RCOR3: variants seen among roughly 807,000 people sequenced by gnomAD.
The protein encoded by RCOR3 is REST corepressor 3.
In RCOR3, 13 loss-of-function variants were observed where a neutral mutation model predicts 64.1. The observed-to-expected ratio is 0.20, with a 90% CI of 0.13 to 0.32. The LOEUF (loss-of-function observed/expected upper bound fraction) is 0.32. Among genes scored for constraint, RCOR3 ranks in the 10% least tolerant of loss-of-function variants. The pLI, the probability that RCOR3 is intolerant of heterozygous loss-of-function variation, is 1.00. For synonymous variants in RCOR3, 215 were observed against 239.0 expected (o/e 0.90, Z 0.93); for missense variants, 489 against 701.2 (o/e 0.70, Z 3.42).
intron 2 of RCOR3, among the ~76,000 whole-genome samples, chr1:211,262,624 G>A (rs1299279293): frequency 6.6e-6 from 1 of 152,060 alleles, no homozygotes; most frequent in Non-Finnish European, 1.5e-5. Flanking sequence ...TATACAGTTC[G>A]ATTAGGGGTC....
rs1695783476 is a variant in RCOR3 at position 211,269,427 on chromosome 1, C to G, written c.224-1805C>G. ...CCTGGCCAACATGATGAAACCCTGT[C>G]TCTACTAAAAATAACAAAAATTAGC... On this transcript the variant is annotated intron_variant, in intron 2 of 11. Transcript: ENST00000419091. 3.3e-5 allele frequency among the ~76,000 whole-genome samples: 5 copies of G among 152,080 alleles called. No individual in the cohort carries two copies. In the South Asian group the frequency reaches 1.0e-3, roughly 32 times the overall value.
At chr1:211,310,801 C>T (rs542417127) in intron 10 of RCOR3, among the ~76,000 whole-genome samples, 2 of 152,190 alleles carry the variant, frequency 1.3e-5, no homozygotes, top group East Asian at 3.9e-4. Flanking sequence ...GACTTGGAGT[C>T]AGAGTTAGTT....
intron 8 of RCOR3, among the ~76,000 whole-genome samples, chr1:211,291,229 A>G (rs1231300164): frequency 6.6e-6 from 1 of 152,170 alleles, no homozygotes; most frequent in East Asian, 1.9e-4. Context: ...TAATTTATAA[A>G]CTAAACTTTA....
Position 211,259,633 on chromosome 1 carries a change from C to T in RCOR3, c.73C>T (p.Pro25Ser), listed in dbSNP as rs1259264804. 26 of 1,547,112 alleles carry T rather than the reference C, an allele frequency of 1.7e-5. No individual in the cohort carries two copies. The highest frequency in any genetic ancestry group is 1.7e-4 in the Middle Eastern group (1 of 5,964). The change falls in exon 1 of 12, where the codon CCG becomes TCG. Residue 25 changes from proline to serine, a missense_variant. By Grantham distance (74) the Pro-to-Ser change is moderately conservative (BLOSUM62 -1). Around this residue, in one of 2 missense-constraint regions of RCOR3, gnomAD observed 87 missense variants for 84.3 expected, o/e 1.03. Transcript: ENST00000419091. ...ATCGGCCAACGGCAGCGCCAAGAGC[C>T]CGGCAGGCGGCGGCGGCAGCGGCGC... ...NRSANGSAKS[P>S]AGGGGSGASS...
In RCOR3 at chr1:211,313,960, A is replaced by G; in HGVS notation, c.*192A>G. On this transcript the variant is annotated 3_prime_UTR_variant, in exon 12 of 12. Transcript: ENST00000419091. The surrounding 1 kb of genome is among the most constrained non-coding windows in gnomAD (Gnocchi z 4.7). The stretch of plus-strand genomic sequence containing the variant: ...CACTAGACTAAAATGTTTTACAACA[A>G]AAAGCCTCCAGTTAGCCTCCTTTCT... 1 of 598,862 alleles carries G rather than the reference A, an allele frequency of 1.7e-6. No individual in the cohort carries two copies. The highest frequency in any genetic ancestry group is 2.8e-5 in the East Asian group (1 of 35,644). The allele number at this position is 598,862 out of a possible 1,614,324, so 37.1% of individuals were successfully genotyped here.
intron 8 of RCOR3, among the ~76,000 whole-genome samples, chr1:211,293,753 AC>A (rs1699521711): frequency 6.6e-6 from 1 of 152,110 alleles, no homozygotes; most frequent in African/African-American, 2.4e-5. Flanking sequence ...CCAGCTGACT[AC>A]CCTTGAACCA....
At chr1:211,270,548 CAAA>C (rs11422589) in intron 2 of RCOR3, among the ~76,000 whole-genome samples, 1 of 147,916 alleles carries the variant, frequency 6.8e-6, no homozygotes, top group Non-Finnish European at 1.5e-5. Context: ...AGACATGGGG[CAAA>C]AAAAAAAAAT....
chr1:211,260,176 T>C lies in RCOR3; in HGVS notation c.223+12T>C. On this transcript the variant is annotated intron_variant, in intron 2 of 11. Coordinates refer to ENST00000419091, the MANE Select transcript of RCOR3 (RefSeq NM_001136223.3). ...TGAATTTGATCCAGGTAGATATATT[T>C]GCTTAAGCAAAATCTCATATCCCCT... 3.1e-6 allele frequency: 5 copies of C among 1,611,334 alleles called. No homozygotes were observed. Among genetic ancestry groups the C allele is most frequent in the Non-Finnish European group, 3.4e-6 (4 of 1,177,932 alleles).
chr1:211,272,164 A>G (rs1696291456), intron 3 of RCOR3, among the ~76,000 whole-genome samples: 4 of 152,208 alleles, frequency 2.6e-5, no homozygotes, highest in Admixed American at 6.5e-5. Flanking sequence ...TTTAAGAGCT[A>G]TAAAACACCA....
intron 5 of RCOR3, 44 bp downstream of exon 5, chr1:211,276,462 T>C: frequency 2.0e-6 from 3 of 1,512,202 alleles, no homozygotes; most frequent in South Asian, 2.5e-5. Context: ...GTGAATGATA[T>C]CTTAAGCTAC....
rs1200047071 is a variant in RCOR3 at position 211,312,528 on chromosome 1, C to T, written c.1076-192C>T. 6 of 641,826 alleles carry T rather than the reference C, an allele frequency of 9.3e-6. No homozygotes were observed. Among genetic ancestry groups the T allele is most frequent in the Admixed American group, 2.3e-5 (1 of 43,590 alleles). The allele number at this position is 641,826 out of a possible 1,614,324, so 39.8% of individuals were successfully genotyped here. A position where few individuals can be genotyped will look rare whatever the true frequency, so the allele number is the denominator to read the frequency against. On this transcript the variant is annotated intron_variant, in intron 10 of 11. Coordinates refer to ENST00000419091, the MANE Select transcript of RCOR3 (RefSeq NM_001136223.3). The surrounding 1 kb of genome is among the most constrained non-coding windows in gnomAD (Gnocchi z 5.0). Reference sequence around the variant, plus strand: ...TTCAGTTGAAGGCAAGTGGCTGGCTCGATGAAATGACATAACTGATAGTTT... The same window carrying T: ...TTCAGTTGAAGGCAAGTGGCTGGCTTGATGAAATGACATAACTGATAGTTT...
Position 211,303,811 on chromosome 1 carries a change from T to A in RCOR3, c.1018-272T>A, listed in dbSNP as rs1305969119. 3 of 241,310 alleles carry A rather than the reference T, an allele frequency of 1.2e-5. No individual in the cohort carries two copies. In the South Asian group the frequency reaches 2.7e-4, roughly 22 times the overall value. The allele number at this position is 241,310 out of a possible 1,614,324, so 14.9% of individuals were successfully genotyped here. Reference sequence around the variant, plus strand: ...ACCCCGTTGGGAAATGGGAAACTAATAGACTTTCTCATGTTTTGATATCTC... The same window carrying A: ...ACCCCGTTGGGAAATGGGAAACTAAAAGACTTTCTCATGTTTTGATATCTC... On this transcript the variant is annotated intron_variant, in intron 9 of 11. Coordinates refer to ENST00000419091, the MANE Select transcript of RCOR3 (RefSeq NM_001136223.3).
In RCOR3 at chr1:211,271,273, G is replaced by A. The variant is rs1207815094; in HGVS notation, c.265G>A (p.Val89Ile). Residue 89 changes from valine (V) to isoleucine (I), a missense_variant, in exon 3 of 12, where the codon GTA (valine) becomes ATA (isoleucine). Val to Ile is a conservative substitution (Grantham distance 29, BLOSUM62 3). This residue lies in a region of RCOR3 where 402 missense variants were observed against 617.0 expected (regional missense o/e 0.65). Transcript: ENST00000419091. The stretch of plus-strand genomic sequence containing the variant: ...AGATAAAGACAATGGAGGGATGCTT[G>A]TATGGTCTCCATATCACAGTATCCC... ...YTDKDNGGMLVWSPYHSIPDA... is the reference protein window; with the variant it reads ...YTDKDNGGMLIWSPYHSIPDA... The A allele has an allele frequency of 3.1e-6, 5 of 1,613,880 alleles. No individual in the cohort carries two copies. Among genetic ancestry groups the A allele is most frequent in the Admixed American group, 1.7e-5 (1 of 60,006 alleles).
At chr1:211,267,428 C>T (rs923935285) in intron 2 of RCOR3, among the ~76,000 whole-genome samples, 17 of 152,180 alleles carry the variant, frequency 1.1e-4, no homozygotes, top group East Asian at 1.9e-4. Context: ...AGGAAAATTG[C>T]GAAATGCTTA....
chr1:211,307,732 T>TA (rs924398211), intron 10 of RCOR3, among the ~76,000 whole-genome samples: 15 of 150,722 alleles, frequency 1.0e-4, no homozygotes, highest in South Asian at 4.2e-4. Context: ...CATTACTGCT[T>TA]AAAAAAAAAT....
intron 8 of RCOR3, 34 bp from the exon 9 acceptor site, chr1:211,295,642 G>T: frequency 6.3e-7 from 1 of 1,579,152 alleles, no homozygotes; most frequent in African/African-American, 1.3e-5. Flanking sequence ...CTAAGTACGC[G>T]ATCTGATTCA....
At chr1:211,275,282 A>C (rs1696811240) in intron 4 of RCOR3, among the ~76,000 whole-genome samples, 1 of 152,034 alleles carries the variant, frequency 6.6e-6, no homozygotes, top group African/African-American at 2.4e-5. Flanking sequence ...ATGGTAAAGG[A>C]ATGTTTTTGT....
chr1:211,288,553 ATATTT>A (rs947628319), intron 7 of RCOR3, among the ~76,000 whole-genome samples: 33 of 146,904 alleles, frequency 2.2e-4, no homozygotes, highest in African/African-American at 6.6e-4. Flanking sequence ...TTATTTATAA[ATATTT>A]TATTTATATT....
chr1:211,302,163 C>G (rs1700444713), intron 9 of RCOR3: 1 of 152,202 alleles, frequency 6.6e-6, no homozygotes, highest in Admixed American at 6.5e-5. Flanking sequence ...CCAACTCTTC[C>G]TAATTAGCTG....
Sources: allele counts gnomAD v4.1 joint callset (sites outside exome capture counted in the v4.1 genomes callset), GRCh38; gene constraint gnomAD v4.1.1; regional missense constraint gnomAD v4.1.1; non-coding constraint Gnocchi (gnomAD v3.1); transcripts MANE v1.5; gene names NCBI Gene and HGNC (gene_info 2026-07-23, HGNC 2026-07-21).